NHSL2: variants seen among roughly 807,000 people sequenced by gnomAD.
NHSL2 encodes the protein NHS like 2.
A neutral mutation model predicts 53.4 loss-of-function variants in NHSL2; 27 were observed. The observed-to-expected ratio is 0.51, with a 90% confidence interval of 0.37 to 0.70. NHSL2 has a LOEUF of 0.70. Ranked by LOEUF, NHSL2 falls within the 30% of genes least tolerant of loss-of-function variation. The pLI is 0.00. For synonymous variants in NHSL2, 408 were observed against 404.1 expected (o/e 1.01, Z -0.12); for missense variants, 892 against 980.1 (o/e 0.91, Z 1.20).
intron 1 of NHSL2, among the ~76,000 whole-genome samples, chrX:71,989,803 G>T (rs2042019500): frequency 8.9e-6 from 1 of 112,240 alleles, no homozygotes; most frequent in African/African-American, 3.2e-5. Flanking sequence ...TGGGGTGTGG[G>T]GAGAGTAGAT....
chrX:71,918,010 T>C (rs1407580166), intron 1 of NHSL2, among the ~76,000 whole-genome samples: 20 of 111,869 alleles, frequency 1.8e-4, no homozygotes, highest in African/African-American at 6.2e-4. Context: ...ACTGTGGATT[T>C]TCTTTATCTA....
Position 72,134,195 on chromosome X carries a change from A to T in NHSL2, c.541A>T (p.Arg181Trp). 8.6e-7 allele frequency: 1 copy of T among 1,166,867 alleles called. No homozygotes were observed. The highest frequency in any genetic ancestry group is 1.1e-6 in the Non-Finnish European group (1 of 872,139). Residue 181 changes from arginine (R) to tryptophan (W), a missense_variant, in exon 3 of 8, where the codon AGG (arginine) becomes TGG (tryptophan). Coordinates refer to ENST00000633930, the MANE Select transcript of NHSL2 (RefSeq NM_001013627.3). ...PTPNPRPQSA[R>W]RLEFILMPTK... Reference sequence around the variant, plus strand: ...CCCCAACCCAAGGCCCCAGTCTGCCAGGCGTCTGGAGTTTATATTGATGGT... The same window carrying T: ...CCCCAACCCAAGGCCCCAGTCTGCCTGGCGTCTGGAGTTTATATTGATGGT...
At chrX:71,981,393 A>C (rs1406032571) in intron 1 of NHSL2, among the ~76,000 whole-genome samples, 2 of 110,652 alleles carry the variant, frequency 1.8e-5, no homozygotes, top group Non-Finnish European at 3.8e-5. Context: ...TTAAAATACG[A>C]AAATTAGCTG....
At chrX:72,069,597 A>G in intron 1 of NHSL2, 1 of 697,755 alleles carries the variant, frequency 1.4e-6, no homozygotes. Flanking sequence ...CAGGCAGAGG[A>G]GGAGGAGGAG....
At chrX:72,105,543 CG>C (rs921787712) in intron 1 of NHSL2, among the ~76,000 whole-genome samples, 1 of 111,434 alleles carries the variant, frequency 9.0e-6, no homozygotes, top group African/African-American at 3.3e-5. Flanking sequence ...GGAACCGTGC[CG>C]TTGTCATCTT....
chrX:72,138,683 T>G lies in NHSL2; in HGVS notation c.1135T>G (p.Ser379Ala). The change falls in exon 6 of 8, where the codon TCT (serine) becomes GCT (alanine). Residue 379 changes from serine (S) to alanine (A), a missense_variant. Ser to Ala is a moderately conservative substitution (Grantham distance 99). Transcript: ENST00000633930. Reference sequence around the variant, plus strand: ...GGGAATGGTGTACAGTGTCCCCAGTTCTTGCAATGGACCTACAGAATCAAC... The same window carrying G: ...GGGAATGGTGTACAGTGTCCCCAGTGCTTGCAATGGACCTACAGAATCAAC... ...SMGMVYSVPSSCNGPTESTFS... is the reference protein window; with the variant it reads ...SMGMVYSVPSACNGPTESTFS... 1 of 1,193,948 alleles carries G rather than the reference T, an allele frequency of 8.4e-7. No individual in the cohort carries two copies. Among genetic ancestry groups the G allele is most frequent in the Non-Finnish European group, 1.1e-6 (1 of 885,962 alleles).
At chrX:72,029,681 G>A (rs779862784) in intron 1 of NHSL2, among the ~76,000 whole-genome samples, 1 of 113,038 alleles carries the variant, frequency 8.8e-6, no homozygotes, top group East Asian at 2.8e-4. Context: ...AGCCCTCAGA[G>A]CTCCTGTCAT....
At chrX:71,982,614 T>C (rs1477232475) in intron 1 of NHSL2, among the ~76,000 whole-genome samples, 4 of 111,450 alleles carry the variant, frequency 3.6e-5, no homozygotes, top group South Asian at 7.6e-4. Flanking sequence ...GGCCAATCAT[T>C]TAAACAATCA....
intron 1 of NHSL2, among the ~76,000 whole-genome samples, chrX:71,957,830 C>T (rs1410865910): frequency 9.0e-6 from 1 of 110,993 alleles, no homozygotes; most frequent in Non-Finnish European, 1.9e-5. Flanking sequence ...GGGGGTACAA[C>T]GATGAATTGG....
At chrX:71,979,904 T>G (rs1206971978) in intron 1 of NHSL2, among the ~76,000 whole-genome samples, 1 of 111,539 alleles carries the variant, frequency 9.0e-6, no homozygotes, top group African/African-American at 3.3e-5. Context: ...GGTCTAACAT[T>G]TAAGTCTTTA....
At chrX:71,920,666 A>G (rs797009594) in intron 1 of NHSL2, among the ~76,000 whole-genome samples, 4 of 111,911 alleles carry the variant, frequency 3.6e-5, no homozygotes, top group South Asian at 3.7e-4. Context: ...TGAACACGCA[A>G]TCCTTTACAA....
In NHSL2 at chrX:71,911,296, G is replaced by A. The variant is rs1365838904; in HGVS notation, c.209G>A (p.Arg70Gln). 1.8e-6 allele frequency: 2 copies of A among 1,130,572 alleles called. No individual in the cohort carries two copies. The highest frequency in any genetic ancestry group is 2.3e-6 in the Non-Finnish European group (2 of 858,570). The allele number at this position is 1,130,572 out of a possible 1,213,427, so 93.2% of individuals were successfully genotyped here. Residue 70 changes from arginine to glutamine, a missense_variant, in exon 1 of 8, where the codon CGG (arginine) becomes CAG (glutamine). Transcript: ENST00000633930. ...GGGCGCCGCACAGACAGCCTGTACC[G>A]GCGCACCGTGCGCCTCCGCCGCCGC... ...ALGRRTDSLY[R>Q]RTVRLRRRLP...
chrX:72,136,569 C>T (rs926949354), intron 4 of NHSL2, among the ~76,000 whole-genome samples: 3 of 112,039 alleles, frequency 2.7e-5, no homozygotes, highest in Admixed American at 1.9e-4. Flanking sequence ...GACTATCAGG[C>T]ATCTTCCTGG....
At chrX:72,042,846 G>A (rs773962515) in intron 1 of NHSL2, among the ~76,000 whole-genome samples, 29 of 110,355 alleles carry the variant, frequency 2.6e-4, no homozygotes, top group Non-Finnish European at 5.3e-4. Flanking sequence ...TTGTGTGCCC[G>A]GTGCATTGTA....
chrX:72,063,848 G>A (rs2042412950), intron 1 of NHSL2, among the ~76,000 whole-genome samples: 2 of 110,560 alleles, frequency 1.8e-5, no homozygotes, highest in Admixed American at 2.0e-4. Flanking sequence ...ATTAACTCAA[G>A]GGGAAGACTA....
intron 1 of NHSL2, among the ~76,000 whole-genome samples, chrX:71,917,311 C>T (rs2147809555): frequency 1.0e-5 from 1 of 95,531 alleles, no homozygotes; most frequent in African/African-American, 3.8e-5. Context: ...TCCCTTCCTC[C>T]CTCCCTCTCT....
chrX:72,043,123 G>A (rs1462225819), intron 1 of NHSL2, among the ~76,000 whole-genome samples: 1 of 111,205 alleles, frequency 9.0e-6, no homozygotes, highest in Non-Finnish European at 1.9e-5. Flanking sequence ...CAGCTGCAAT[G>A]CGCTGTTTCC....
chrX:72,140,004 T>G lies in NHSL2; in HGVS notation c.2456T>G (p.Ile819Ser). The G allele has an allele frequency of 8.3e-7, 1 of 1,210,285 alleles. No individual in the cohort carries two copies. The highest frequency in any genetic ancestry group is 1.8e-5 in the South Asian group (1 of 56,667). The stretch of plus-strand genomic sequence containing the variant: ...CAGAAAACTAATCCCAACCAGCCAA[T>G]CATGCCTATGGTTACTCAGTCCGAC... ...LAQKTNPNQP[I>S]MPMVTQSDLR... The change falls in exon 6 of 8, where the codon ATC (isoleucine) becomes AGC (serine). Residue 819 changes from isoleucine (I) to serine (S), a missense_variant. Ile to Ser is a moderately radical substitution (Grantham distance 142, BLOSUM62 -2). Coordinates refer to ENST00000633930, the MANE Select transcript of NHSL2 (RefSeq NM_001013627.3).
At chrX:72,105,312 T>A (rs1419476336) in intron 1 of NHSL2, among the ~76,000 whole-genome samples, 2 of 111,229 alleles carry the variant, frequency 1.8e-5, no homozygotes, top group Non-Finnish European at 3.8e-5. Context: ...TCTGGTGTTC[T>A]AGTCACTCAG....
Sources: allele counts gnomAD v4.1 joint callset (sites outside exome capture counted in the v4.1 genomes callset), GRCh38; gene constraint gnomAD v4.1.1; transcripts MANE v1.5; gene names NCBI Gene and HGNC (gene_info 2026-07-23, HGNC 2026-07-21).